Variants in SLC8A1 observed in about 807,000 individuals in gnomAD.
SLC8A1 encodes sodium/calcium exchanger 1.
Under a neutral mutation model 68.3 loss-of-function variants are expected in SLC8A1, and 18 were observed. The observed-to-expected ratio is 0.26, with a 90% CI of 0.18 to 0.39. SLC8A1 has a LOEUF of 0.39. Ranked by LOEUF, SLC8A1 falls within the 10% of genes least tolerant of loss-of-function variation. The pLI, the probability that SLC8A1 is intolerant of heterozygous loss-of-function variation, is 1.00. For synonymous variants in SLC8A1, 475 were observed against 415.5 expected, an observed-to-expected ratio of 1.14 and a Z score of -1.74; for missense variants, 985 against 1,156.7, an observed-to-expected ratio of 0.85 and a Z score of 2.15.
At chr2:40,274,624 G>A (rs779938287) in intron 2 of SLC8A1, among the ~76,000 whole-genome samples, 1 of 152,202 alleles carries the variant, frequency 6.6e-6, no homozygotes, top group African/African-American at 2.4e-5. Context: ...CGTTTTTACT[G>A]TAGGGAACCC....
chr2:40,424,449 C>T (rs1284499614), intron 2 of SLC8A1, among the ~76,000 whole-genome samples: 2 of 151,570 alleles, frequency 1.3e-5, no homozygotes, highest in African/African-American at 4.8e-5. Context: ...TCCATAGAAC[C>T]CATATACTAC....
chr2:40,146,149 A>T (rs2042426628), intron 6 of SLC8A1, among the ~76,000 whole-genome samples: 1 of 152,224 alleles, frequency 6.6e-6, no homozygotes, highest in Admixed American at 6.5e-5. Flanking sequence ...TCCTAGATCT[A>T]TGAGTTGCCA....
intron 2 of SLC8A1, among the ~76,000 whole-genome samples, chr2:40,244,565 CAAAAAAA>C (rs70957161): frequency 1.0e-4 from 13 of 127,544 alleles, no homozygotes; most frequent in Non-Finnish European, 1.6e-4. Context: ...TATGAAAAAC[CAAAAAAA>C]AAAAAAAAAA....
chr2:40,410,915 A>G (rs1437318343), intron 2 of SLC8A1, among the ~76,000 whole-genome samples: 2 of 152,104 alleles, frequency 1.3e-5, no homozygotes, highest in African/African-American at 4.8e-5. Context: ...CATGCACATA[A>G]TACCAGCAAA....
At chr2:40,483,055 C>T (rs1346903189) in intron 1 of SLC8A1, among the ~76,000 whole-genome samples, 2 of 151,258 alleles carry the variant, frequency 1.3e-5, no homozygotes, top group Non-Finnish European at 2.9e-5. Flanking sequence ...CCGCCCGCCT[C>T]GGGCTCCCAA....
intron 6 of SLC8A1, among the ~76,000 whole-genome samples, chr2:40,149,214 G>C (rs192977638): frequency 4.7e-4 from 71 of 152,296 alleles, no homozygotes; most frequent in Middle Eastern, 3.4e-3. Flanking sequence ...TTGGAAGACT[G>C]ACTTTATTAG....
chr2:40,201,468 T>C (rs748961145), intron 2 of SLC8A1, among the ~76,000 whole-genome samples: 44 of 151,956 alleles, frequency 2.9e-4, no homozygotes, highest in Non-Finnish European at 5.0e-4. Flanking sequence ...GAATTAAGCT[T>C]GATCTTGATG....
At chr2:40,495,122 TAAAAGTTA>T (rs1705607386) in intron 1 of SLC8A1, among the ~76,000 whole-genome samples, 1 of 151,940 alleles carries the variant, frequency 6.6e-6, no homozygotes, top group Non-Finnish European at 1.5e-5. Flanking sequence ...TACAGGTAAA[TAAAAGTTA>T]AAAGATGTCT....
chr2:40,206,765 A>G (rs1183311402), intron 2 of SLC8A1, among the ~76,000 whole-genome samples: 1 of 152,044 alleles, frequency 6.6e-6, no homozygotes, highest in African/African-American at 2.4e-5. Flanking sequence ...AAGGAAGTGA[A>G]GAATCAGATA....
intron 2 of SLC8A1, among the ~76,000 whole-genome samples, chr2:40,357,329 A>C (rs1163105364): frequency 4.6e-5 from 7 of 151,332 alleles, no homozygotes; most frequent in Non-Finnish European, 1.0e-4. Flanking sequence ...CTGTCTCTAC[A>C]AAACATTTTT....
chr2:40,289,403 C>T (rs560521994), intron 2 of SLC8A1, among the ~76,000 whole-genome samples: 17 of 152,102 alleles, frequency 1.1e-4, no homozygotes, highest in East Asian at 9.7e-4. Context: ...GTGAGAGAAA[C>T]GAAAAGAAAC....
intron 7 of SLC8A1, among the ~76,000 whole-genome samples, chr2:40,119,424 G>A (rs894488509): frequency 3.9e-5 from 6 of 151,940 alleles, no homozygotes; most frequent in Admixed American, 1.3e-4. Context: ...AATGAAGTGC[G>A]ATGGATTCTC....
At chr2:40,363,667 C>T (rs912223964) in intron 2 of SLC8A1, among the ~76,000 whole-genome samples, 1 of 152,072 alleles carries the variant, frequency 6.6e-6, no homozygotes, top group African/African-American at 2.4e-5. Flanking sequence ...TGCAAATAAG[C>T]CCATCAGAGC....
intron 2 of SLC8A1, among the ~76,000 whole-genome samples, chr2:40,268,058 AAAG>A (rs2065579675): frequency 6.6e-6 from 1 of 152,218 alleles, no homozygotes; most frequent in Admixed American, 6.5e-5. Flanking sequence ...TTAATCCTGA[AAAG>A]AAATCTCTCA....
intron 1 of SLC8A1, among the ~76,000 whole-genome samples, chr2:40,491,439 G>A (rs914601583): frequency 4.6e-5 from 7 of 152,066 alleles, no homozygotes; most frequent in African/African-American, 7.2e-5. Flanking sequence ...AACAGGGACA[G>A]TTTGACTTCC....
intron 2 of SLC8A1, among the ~76,000 whole-genome samples, chr2:40,277,316 G>A (rs909987476): frequency 1.3e-5 from 2 of 152,014 alleles, no homozygotes; most frequent in East Asian, 1.9e-4. Flanking sequence ...CAAGGCGGGC[G>A]ATCACTTGAG....
At chr2:40,391,212 GTGTA>G (rs1428472214) in intron 2 of SLC8A1, among the ~76,000 whole-genome samples, 2 of 42,548 alleles carry the variant, frequency 4.7e-5, no homozygotes, top group Non-Finnish European at 8.8e-5. Flanking sequence ...ATATGTCTGT[GTGTA>G]TGTGTGTGTG....
At position 40,299,031 on chromosome 2, in the gene SLC8A1, A is replaced by T. The variant is rs544321340; in HGVS notation, c.1809-121176T>A. On this transcript the variant is annotated intron_variant, in intron 2 of 7. Transcript: ENST00000406785. ...TTGGGGAGGAGGCCTCGGCTATTCA[A>T]AGAGTAAGAAAAACACAATGTTCCA... Among the ~76,000 whole-genome samples, 10 of 152,272 alleles carry T rather than the reference A, an allele frequency of 6.6e-5. No individual in the cohort carries two copies. In the South Asian group the frequency reaches 2.1e-3, roughly 32 times the overall value.
chr2:40,304,129 G>A (rs1423950808), intron 2 of SLC8A1, among the ~76,000 whole-genome samples: 2 of 152,198 alleles, frequency 1.3e-5, no homozygotes, highest in Admixed American at 1.3e-4. Flanking sequence ...CTTTAATAAT[G>A]TGATAATATT....
Sources: gnomAD v4.1 joint callset for allele counts (sites outside exome capture counted in the v4.1 genomes callset) on GRCh38, gnomAD v4.1.1 for gene constraint, MANE v1.5 for transcripts, NCBI Gene and HGNC (gene_info 2026-07-23, HGNC 2026-07-21) for gene names.